The following TXNDC11 variants were observed in gnomAD, a reference collection of about 807,000 sequenced individuals.
TXNDC11 encodes the protein thioredoxin domain-containing protein 11.
In TXNDC11, 68 loss-of-function variants were observed where a neutral mutation model predicts 78.0. The ratio of observed to expected loss-of-function variants is 0.87; its 90% CI spans 0.72 to 1.07. The LOEUF (loss-of-function observed/expected upper bound fraction) is 1.07. Among genes scored for constraint, TXNDC11 ranks in the 50% least tolerant of loss-of-function variants. TXNDC11 has a pLI of 0.00. For missense variants in TXNDC11, 1,389 were observed against 1,221.8 expected (o/e 1.14, Z -2.04); for synonymous variants, 571 against 495.2 (o/e 1.15, Z -2.03).
chr16:11,702,107 T>C (rs535987578), intron 5 of TXNDC11, among the ~76,000 whole-genome samples: 335 of 151,460 alleles, frequency 2.2e-3, no homozygotes, highest in Non-Finnish European at 3.8e-3. Flanking sequence ...TATATATATA[T>C]ATATATGTTT....
At position 11,691,277 on chromosome 16, in the gene TXNDC11, C is replaced by G. The variant is rs572260137; in HGVS notation, c.1900+13G>C. 3.8e-6 allele frequency: 6 copies of G among 1,592,350 alleles called. No individual in the cohort carries two copies. The African/African-American group carries it at 8.1e-5, about 22-fold the overall frequency. ...AATGTACAATGCTTGGGGAAATAAACTGCCTGCAGTACCTAGGGTGAGCTT... is the reference window on the plus strand; with the variant it reads ...AATGTACAATGCTTGGGGAAATAAAGTGCCTGCAGTACCTAGGGTGAGCTT... On this transcript the variant is annotated intron_variant, in intron 8 of 11. Transcript: ENST00000283033.
chr16:11,701,380 G>A (rs1470798622), intron 5 of TXNDC11, among the ~76,000 whole-genome samples: 2 of 151,858 alleles, frequency 1.3e-5, no homozygotes, highest in African/African-American at 4.8e-5. Context: ...CAAGTGATGT[G>A]CCTGCCTCTG....
At chr16:11,725,005 A>G (rs1169677955) in intron 4 of TXNDC11, among the ~76,000 whole-genome samples, 1 of 152,174 alleles carries the variant, frequency 6.6e-6, no homozygotes, top group African/African-American at 2.4e-5. Context: ...TCGGCCTCCC[A>G]AAGTACTGGG....
At chr16:11,736,626 T>C (rs1310530795) in intron 1 of TXNDC11, among the ~76,000 whole-genome samples, 1 of 152,208 alleles carries the variant, frequency 6.6e-6, no homozygotes, top group Non-Finnish European at 1.5e-5. Context: ...TGAGGGAGCA[T>C]GTAAACTACC....
chr16:11,698,369 G>C, intron 6 of TXNDC11, 44 bp from the exon 7 acceptor site: 1 of 1,576,332 alleles, frequency 6.3e-7, no homozygotes, highest in Non-Finnish European at 8.7e-7. Context: ...AGCTCGTGAG[G>C]TGGGGCAAGC....
In TXNDC11 at chr16:11,697,584, C is replaced by T. The variant is rs548937202; in HGVS notation, c.1107+541G>A. 8.5e-5 allele frequency among the ~76,000 whole-genome samples: 13 copies of T among 152,272 alleles called. No individual in the cohort carries two copies. In the South Asian group the frequency reaches 1.9e-3, roughly 22 times the overall value. On this transcript the variant is annotated intron_variant, in intron 7 of 11. Transcript: ENST00000283033. ...GAAGACAGGCAGGAACAGCAGGCTC[C>T]GATGGCGCTGCCTCTGAAAACCACT...
In TXNDC11 at chr16:11,687,891, G is replaced by A. The variant is rs559217484; in HGVS notation, c.2119C>T (p.Arg707Trp). ...GTGAATGTGTCCATGGGCAGGTTCC[G>A]AGCTAGCTGGATGAAGATGTGATTG... ...SLNHIFIQLA[R>W]NLPMDTFTVA... Residue 707 changes from arginine (R) to tryptophan (W), a missense_variant, in exon 10 of 12, where the codon CGG (arginine) becomes TGG (tryptophan). Transcript: ENST00000283033. The A allele has an allele frequency of 2.2e-5, 35 of 1,613,758 alleles. No individual in the cohort carries two copies. The highest frequency in any genetic ancestry group is 7.7e-5 in the South Asian group (7 of 91,020).
At chr16:11,725,358 GAAAAA>G (rs36072638) in intron 4 of TXNDC11, among the ~76,000 whole-genome samples, 5 of 143,964 alleles carry the variant, frequency 3.5e-5, no homozygotes, top group Non-Finnish European at 6.1e-5. Flanking sequence ...TATTCATTTA[GAAAAA>G]AAAAAAAGCT....
intron 5 of TXNDC11, among the ~76,000 whole-genome samples, chr16:11,705,605 T>C (rs951790574): frequency 9.2e-5 from 14 of 152,174 alleles, no homozygotes; most frequent in Admixed American, 3.3e-4. Context: ...ACCCAAAAGT[T>C]AAAAGGGGCC....
chr16:11,697,622 C>T (rs1293524425), intron 7 of TXNDC11, among the ~76,000 whole-genome samples: 4 of 152,204 alleles, frequency 2.6e-5, no homozygotes, highest in East Asian at 1.9e-4. Context: ...GGCTTCTGCA[C>T]GACAGGGAAG....
chr16:11,691,569 A>G lies in TXNDC11; in HGVS notation c.1621T>C (p.Cys541Arg). 2 of 1,614,198 alleles carry G rather than the reference A, an allele frequency of 1.2e-6. No homozygotes were observed. The highest frequency in any genetic ancestry group is 1.7e-6 in the Non-Finnish European group (2 of 1,180,040). ...TVAFSSLEKK[C>R]EVDAPSSVPH... The stretch of plus-strand genomic sequence containing the variant: ...ACGGAGCTTGGGGCATCAACCTCAC[A>G]TTTCTTCTCAAGGGAAGAAAATGCA... Residue 541 changes from cysteine (C) to arginine (R), a missense_variant, in exon 8 of 12, where the codon TGT becomes CGT. Cys to Arg is a radical substitution (Grantham distance 180). Coordinates refer to ENST00000283033, the MANE Select transcript of TXNDC11 (RefSeq NM_015914.7).
At chr16:11,729,896 G>C (rs980879560) in intron 4 of TXNDC11, among the ~76,000 whole-genome samples, 73 of 152,064 alleles carry the variant, frequency 4.8e-4, no homozygotes, top group African/African-American at 1.7e-3. Context: ...CAGAGTTCAA[G>C]ACCAGCCTGG....
intron 4 of TXNDC11, among the ~76,000 whole-genome samples, chr16:11,726,452 A>G: frequency 6.6e-6 from 1 of 151,722 alleles, no homozygotes; most frequent in East Asian, 2.0e-4. Context: ...ATGGTGGCAC[A>G]TGCCTGAGTC....
chr16:11,691,674 TG>T lies in TXNDC11; in HGVS notation c.1515del (p.Tyr505Ter), dbSNP rs774246955. ...CTGCTTATGGTCCTGCAACATGCAG[TG>T]TAGTAGCTGAAGGGGCTATAGGAAG... Reference protein sequence around the residue: ...FLTSYSPFSYYTACCRTISRG... With the variant: ...FLTSYSPFSYXTACCRTISRG... On this transcript the variant is annotated frameshift_variant, in exon 8 of 12. Transcript: ENST00000283033. LOFTEE classifies it high-confidence loss of function. 1 of 1,614,174 alleles carries T rather than the reference TG, an allele frequency of 6.2e-7. No individual in the cohort carries two copies. Among genetic ancestry groups the T allele is most frequent in the East Asian group, 2.2e-5 (1 of 44,888 alleles).
chr16:11,741,894 G>A (rs2052406248), intron 1 of TXNDC11: 3 of 152,232 alleles, frequency 2.0e-5, no homozygotes, highest in Non-Finnish European at 4.4e-5. Flanking sequence ...TTAGCCAGGC[G>A]TGGTGGCGCG....
intron 4 of TXNDC11, among the ~76,000 whole-genome samples, chr16:11,723,747 A>G (rs1163034954): frequency 6.6e-6 from 1 of 152,174 alleles, no homozygotes; most frequent in Non-Finnish European, 1.5e-5. Context: ...GTCATCTGGC[A>G]ATTTTACTTA....
At chr16:11,699,818 A>C (rs2050961335) in intron 6 of TXNDC11, among the ~76,000 whole-genome samples, 1 of 152,374 alleles carries the variant, frequency 6.6e-6, no homozygotes, top group African/African-American at 2.4e-5. Context: ...ACTTCAGGAA[A>C]GTCAACTCAG....
rs2050713185 is a variant in TXNDC11, at chr16:11,691,502, T to C, written c.1688A>G (p.Asp563Gly). 6.2e-7 allele frequency: 1 copy of C among 1,614,098 alleles called. No homozygotes were observed. The highest frequency in any genetic ancestry group is 1.3e-5 in the African/African-American group (1 of 74,940). ...EENRYLFPEV[D>G]MTSTNFTGLS... ...GCCTGTGAAGTTTGTGCTAGTCATG[T>C]CCACTTCTGGAAAGAGATACCTGTT... The change falls in exon 8 of 12, where the codon GAC becomes GGC. Residue 563 changes from aspartate (D) to glycine (G), a missense_variant. Physicochemically the swap from Asp to Gly is moderately conservative, Grantham distance 94. Coordinates refer to ENST00000283033, the MANE Select transcript of TXNDC11 (RefSeq NM_015914.7).
At chr16:11,712,320 C>T (rs2051386838) in intron 5 of TXNDC11, among the ~76,000 whole-genome samples, 2 of 152,144 alleles carry the variant, frequency 1.3e-5, no homozygotes, top group Non-Finnish European at 2.9e-5. Context: ...GCCCCATCAA[C>T]CTTCCACTCT....
Sources: gnomAD v4.1 joint callset for allele counts (sites outside exome capture counted in the v4.1 genomes callset) on GRCh38, gnomAD v4.1.1 for gene constraint, MANE v1.5 for transcripts, NCBI Gene and HGNC (gene_info 2026-07-23, HGNC 2026-07-21) for gene names.